Variants in RB1 observed in about 807,000 individuals in gnomAD.
The protein encoded by RB1 is retinoblastoma-associated protein.
RB1 carries 18 observed loss-of-function variants against 135.4 expected under a neutral mutation model. The observed-to-expected ratio is 0.13, with a 90% CI of 0.09 to 0.20. RB1 has a LOEUF of 0.20. Ranked by LOEUF, RB1 falls within the 10% of genes least tolerant of loss-of-function variation. RB1 has a pLI of 1.00. For synonymous variants in RB1, 365 were observed against 373.2 expected (o/e 0.98, Z 0.25); for missense variants, 868 against 1,110.0 (o/e 0.78, Z 3.10).
At chr13:48,320,350 G>A in intron 2 of RB1, 1 of 1,254,668 alleles carries the variant, frequency 8.0e-7, no homozygotes, top group Non-Finnish European at 1.2e-6. Flanking sequence ...GGCGCTCACC[G>A]ACACGCTCTC....
At chr13:48,314,341 CTT>C (rs1205001224) in intron 2 of RB1, among the ~76,000 whole-genome samples, 2 of 152,116 alleles carry the variant, frequency 1.3e-5, no homozygotes, top group African/African-American at 4.8e-5. Flanking sequence ...TATGGAATGT[CTT>C]TTCGTTTAAG....
chr13:48,373,565 G>C, intron 12 of RB1, 73 bp downstream of exon 12: 2 of 973,144 alleles, frequency 2.1e-6, no homozygotes, highest in Non-Finnish European at 3.3e-6. Context: ...TTAAAGTACT[G>C]AGTTCTTTTT....
chr13:48,401,846 A>T (rs1195210655), intron 17 of RB1, among the ~76,000 whole-genome samples: 1 of 152,202 alleles, frequency 6.6e-6, no homozygotes, highest in Non-Finnish European at 1.5e-5. Context: ...ACTAAATATA[A>T]CAACAAATTT....
chr13:48,337,121 A>G (rs1952392055), intron 2 of RB1, among the ~76,000 whole-genome samples: 1 of 152,124 alleles, frequency 6.6e-6, no homozygotes, highest in Admixed American at 6.6e-5. Flanking sequence ...CAATTTTGGA[A>G]TAAGTGTGAT....
At chr13:48,340,421 T>G (rs1392706507) in intron 2 of RB1, among the ~76,000 whole-genome samples, 1 of 152,164 alleles carries the variant, frequency 6.6e-6, no homozygotes, top group Non-Finnish European at 1.5e-5. Context: ...CAGAACCTAC[T>G]TGTAGAACAT....
chr13:48,434,580 CTCTT>C (rs1455876769), intron 17 of RB1, among the ~76,000 whole-genome samples: 1 of 152,118 alleles, frequency 6.6e-6, no homozygotes, highest in Admixed American at 6.5e-5. Flanking sequence ...ACAGCCGAGA[CTCTT>C]TCTCAGCCCA....
chr13:48,436,599 C>T (rs1482572931), intron 17 of RB1, among the ~76,000 whole-genome samples: 2 of 151,858 alleles, frequency 1.3e-5, no homozygotes, highest in African/African-American at 4.8e-5. Flanking sequence ...GCCAAGATTG[C>T]ACCACTGCAC....
Position 48,307,369 on chromosome 13 carries a change from T to C in RB1, c.227T>C (p.Leu76Ser). 1 of 1,613,334 alleles carries C rather than the reference T, an allele frequency of 6.2e-7. No individual in the cohort carries two copies. The highest frequency in any genetic ancestry group is 8.5e-7 in the Non-Finnish European group (1 of 1,179,440). ...GATCATGTCAGAGAGAGAGCTTGGT[T>C]AACTTGGGAGAAAGTTTCATCTGTG... ...IPDHVRERAW[L>S]TWEKVSSVDG... The change falls in exon 2 of 27, where the codon TTA (leucine) becomes TCA (serine). Residue 76 changes from leucine (L) to serine (S), a missense_variant. Physicochemically the swap from Leu to Ser is moderately radical, Grantham distance 145. Around this residue, in one of 3 missense-constraint regions of RB1, gnomAD observed 641 missense variants for 791.3 expected, o/e 0.81. Coordinates refer to ENST00000267163, the MANE Select transcript of RB1 (RefSeq NM_000321.3).
Position 48,367,512 on chromosome 13 carries a change from C to G in RB1, c.958C>G (p.Arg320Gly), listed in dbSNP as rs121913300. 4.4e-6 allele frequency: 7 copies of G among 1,603,184 alleles called. No homozygotes were observed. In the East Asian group the frequency reaches 1.6e-4, roughly 36 times the overall value. The change falls in exon 10 of 27, where the codon CGA becomes GGA. Residue 320 changes from arginine (R) to glycine (G), a missense_variant. Around this residue, in one of 3 missense-constraint regions of RB1, gnomAD observed 641 missense variants for 791.3 expected, o/e 0.81. Coordinates refer to ENST00000267163, the MANE Select transcript of RB1 (RefSeq NM_000321.3). Reference protein sequence around the residue: ...GLPEVENLSKRYEEIYLKNKD... With the variant: ...GLPEVENLSKGYEEIYLKNKD... ...TTTCAAGGTTGAAAATCTTTCTAAACGATACGAAGAAATTTATCTTAAAAA... is the reference window on the plus strand; with the variant it reads ...TTTCAAGGTTGAAAATCTTTCTAAAGGATACGAAGAAATTTATCTTAAAAA...
At chr13:48,332,846 C>G (rs1952349278) in intron 2 of RB1, among the ~76,000 whole-genome samples, 1 of 152,104 alleles carries the variant, frequency 6.6e-6, no homozygotes, top group South Asian at 2.1e-4. Context: ...TAGTACTTAA[C>G]CCTATATATA....
At chr13:48,327,520 G>C (rs1952298414) in intron 2 of RB1, among the ~76,000 whole-genome samples, 1 of 152,130 alleles carries the variant, frequency 6.6e-6, no homozygotes, top group Non-Finnish European at 1.5e-5. Flanking sequence ...TGTATCCACT[G>C]ATAGCAATGC....
At chr13:48,426,096 A>AAG (rs757572848) in intron 17 of RB1, among the ~76,000 whole-genome samples, 1 of 152,216 alleles carries the variant, frequency 6.6e-6, no homozygotes, top group South Asian at 2.1e-4. Flanking sequence ...CTTGATTTCT[A>AAG]AATTTTGACC....
chr13:48,362,271 C>A (rs990651404), intron 7 of RB1, among the ~76,000 whole-genome samples: 23 of 150,912 alleles, frequency 1.5e-4, no homozygotes, highest in African/African-American at 4.1e-4. Flanking sequence ...AATAGCTGAA[C>A]CTGTATTTAG....
intron 2 of RB1, chr13:48,318,534 C>T: frequency 1.2e-6 from 1 of 846,266 alleles, no homozygotes; most frequent in Non-Finnish European, 1.8e-6. Context: ...CTTGGCTGCG[C>T]CCTCCCCTCC....
intron 3 of RB1, among the ~76,000 whole-genome samples, chr13:48,344,178 T>C (rs1396053446): frequency 1.3e-5 from 2 of 152,256 alleles, no homozygotes; most frequent in African/African-American, 4.8e-5. Context: ...AATACGTTAA[T>C]TTTTATGGAA....
intron 5 of RB1, among the ~76,000 whole-genome samples, chr13:48,348,647 T>C (rs1029631740): frequency 6.6e-6 from 1 of 151,532 alleles, no homozygotes; most frequent in Non-Finnish European, 1.5e-5. Flanking sequence ...TTTTACAAAA[T>C]TTTTCTTTCA....
intron 17 of RB1, among the ~76,000 whole-genome samples, chr13:48,395,031 C>T (rs996872322): frequency 5.9e-5 from 9 of 152,128 alleles, no homozygotes; most frequent in East Asian, 3.9e-4. Flanking sequence ...CCCTCTGGGA[C>T]GAAGCTTCCA....
At chr13:48,472,566 C>T (rs1949477931) in intron 23 of RB1, among the ~76,000 whole-genome samples, 1 of 152,086 alleles carries the variant, frequency 6.6e-6, no homozygotes, top group African/African-American at 2.4e-5. Context: ...ATGATGGCTA[C>T]TTGCTGATCC....
At chr13:48,406,371 C>G (rs184119531) in intron 17 of RB1, among the ~76,000 whole-genome samples, 129 of 152,136 alleles carry the variant, frequency 8.5e-4, no homozygotes, top group African/African-American at 3.0e-3. Flanking sequence ...TTATCACCAT[C>G]ATTTAAAAAA....
Sources: allele counts gnomAD v4.1 joint callset (sites outside exome capture counted in the v4.1 genomes callset), GRCh38; gene constraint gnomAD v4.1.1; regional missense constraint gnomAD v4.1.1; transcripts MANE v1.5; gene names NCBI Gene and HGNC (gene_info 2026-07-23, HGNC 2026-07-21).